The following ITFG2 variants were observed in gnomAD, a reference collection of about 807,000 sequenced individuals.
ITFG2 encodes the protein KICSTOR complex protein ITFG2.
In ITFG2, 36 loss-of-function variants were observed where a neutral mutation model predicts 54.4. That is an observed-to-expected ratio of 0.66 (90% CI 0.51 to 0.87). The LOEUF (loss-of-function observed/expected upper bound fraction) is 0.87. ITFG2 is among the 40% of genes least tolerant of loss of function. The probability of loss-of-function intolerance (pLI) is 0.00; values close to 1 mark genes in which losing one functional copy is unlikely to be tolerated. For missense variants in ITFG2, 524 were observed against 576.7 expected (o/e 0.91, Z 0.94); for synonymous variants, 211 against 225.4 (o/e 0.94, Z 0.57).
chr12:2,848,064 G>A (rs1010731170), intron 2 of ITFG2, among the ~76,000 whole-genome samples: 3 of 152,170 alleles, frequency 2.0e-5, no homozygotes, highest in African/African-American at 4.8e-5. Context: ...CATTGTGCAG[G>A]TGAGGAACCT....
chr12:2,830,600 C>T, intron 2 of ITFG2: 1 of 1,231,300 alleles, frequency 8.1e-7, no homozygotes, highest in Non-Finnish European at 1.1e-6. Flanking sequence ...AGAGAGGTGC[C>T]CTTTCTCCCT....
chr12:2,815,668 C>T (rs531505428), intron 1 of ITFG2, among the ~76,000 whole-genome samples: 1 of 152,310 alleles, frequency 6.6e-6, no homozygotes, highest in East Asian at 1.9e-4. Flanking sequence ...AAAACATGTC[C>T]CATTTGTAAT....
chr12:2,851,594 T>C (rs549494942), intron 2 of ITFG2, among the ~76,000 whole-genome samples: 3 of 151,548 alleles, frequency 2.0e-5, no homozygotes, highest in Non-Finnish European at 2.9e-5. Flanking sequence ...CCACCTGCCT[T>C]GGCCTCCCAG....
chr12:2,820,359 C>A, intron 5 of ITFG2, 134 bp downstream of exon 5: 1 of 1,123,188 alleles, frequency 8.9e-7, no homozygotes, highest in Non-Finnish European at 1.2e-6. Context: ...AAGAGAGATC[C>A]AAAGACCATT....
intron 9 of ITFG2, among the ~76,000 whole-genome samples, chr12:2,822,394 C>A (rs951438578): frequency 2.0e-5 from 3 of 152,272 alleles, no homozygotes; most frequent in East Asian, 3.9e-4. Flanking sequence ...TTATTCATCC[C>A]AACTCCAGAG....
rs762463958 is a variant in ITFG2 at position 2,821,260 on chromosome 12, A to G, written c.696-2A>G. Reference sequence around the variant, plus strand: ...CTTGATCCGTCCACCTGCTGTGCACAGGGAGACCCCAGCTGCCCGAGACGT... The same window carrying G: ...CTTGATCCGTCCACCTGCTGTGCACGGGGAGACCCCAGCTGCCCGAGACGT... On this transcript the variant is annotated splice_acceptor_variant, in intron 6 of 11. Coordinates refer to ENST00000228799, the MANE Select transcript of ITFG2 (RefSeq NM_018463.4). LOFTEE classifies it high-confidence loss of function. The G allele has an allele frequency of 5.0e-6, 8 of 1,603,864 alleles. No individual in the cohort carries two copies. In the East Asian group the frequency reaches 1.3e-4, roughly 27 times the overall value.
rs938414055 is a variant in ITFG2 at position 2,843,995 on chromosome 12, C to A, written n.300+3000C>A. Among the ~76,000 whole-genome samples, 32 of 148,530 alleles carry A rather than the reference C, an allele frequency of 2.2e-4. 1 individual carries two copies. The highest frequency in any genetic ancestry group is 3.8e-4 in the Non-Finnish European group (26 of 67,654). On this transcript the variant is annotated intron_variant and non_coding_transcript_variant, in intron 2 of 3. Transcript: ENST00000537710. ...GTAAACTAGGCCAGGCATGGTGGCT[C>A]ACGCCTGTAATCCCAGGACTTTGGG...
At chr12:2,853,257 C>G (rs888727210) in intron 2 of ITFG2, among the ~76,000 whole-genome samples, 5 of 151,980 alleles carry the variant, frequency 3.3e-5, no homozygotes, top group Admixed American at 6.6e-5. Context: ...ACTGATCTCT[C>G]AAAGTCACCA....
At chr12:2,836,362 C>G (rs1443555744), upstream of ITFG2, among the ~76,000 whole-genome samples, 1 of 152,212 alleles carries the variant, frequency 6.6e-6, no homozygotes, top group African/African-American at 2.4e-5. Flanking sequence ...GGCCAAGCAC[C>G]TGTTTACCTG....
chr12:2,853,044 C>T (rs1364499723), intron 2 of ITFG2, among the ~76,000 whole-genome samples: 1 of 152,048 alleles, frequency 6.6e-6, no homozygotes, highest in African/African-American at 2.4e-5. Context: ...ATGATAGTTT[C>T]TACTCAGAAG....
chr12:2,839,288 C>T (rs1340389174), intron 1 of ITFG2, among the ~76,000 whole-genome samples: 4 of 151,820 alleles, frequency 2.6e-5, no homozygotes, highest in Admixed American at 2.0e-4. Flanking sequence ...GAAACTCCGG[C>T]TCAAAAAAAA....
At chr12:2,859,129 G>T (rs767233350) in intron 3 of ITFG2, 4 of 1,606,314 alleles carry the variant, frequency 2.5e-6, no homozygotes, top group African/African-American at 1.3e-5. Flanking sequence ...TCCTTAATGG[G>T]TGTCTTAAAA....
At chr12:2,846,856 G>T (rs1429531252) in intron 2 of ITFG2, among the ~76,000 whole-genome samples, 1 of 151,992 alleles carries the variant, frequency 6.6e-6, no homozygotes, top group Non-Finnish European at 1.5e-5. Context: ...ACTGAGAAAC[G>T]CTCTACAAGA....
downstream of ITFG2, chr12:2,827,940 G>A (rs150190215): frequency 3.0e-5 from 48 of 1,614,114 alleles, no homozygotes; most frequent in African/African-American, 6.7e-5. This position sits in a 1 kb window ranked among gnomAD's most constrained non-coding sequence, Gnocchi z 4.0. Flanking sequence ...CACCTGTGCC[G>A]AGCACACCAC....
At chr12:2,817,610 G>T in intron 2 of ITFG2, 1 of 514,204 alleles carries the variant, frequency 1.9e-6, no homozygotes, top group Non-Finnish European at 3.4e-6. Flanking sequence ...GTCAAAAATG[G>T]GGGCAATAAT....
At chr12:2,827,574 TCTA>T, downstream of ITFG2, 1 of 1,613,622 alleles carries the variant, frequency 6.2e-7, no homozygotes, top group Non-Finnish European at 8.5e-7. The surrounding 1 kb of genome is among the most constrained non-coding windows in gnomAD (Gnocchi z 4.0). Flanking sequence ...ACCTGTGCCT[TCTA>T]CTACTTTTTC....
In ITFG2 at chr12:2,820,876, A is replaced by C; in HGVS notation, c.695+4A>C. The C allele has an allele frequency of 6.2e-7, 1 of 1,613,776 alleles. No homozygotes were observed. The highest frequency in any genetic ancestry group is 8.5e-7 in the Non-Finnish European group (1 of 1,179,812). On this transcript the variant is annotated splice_donor_region_variant and intron_variant, in intron 6 of 11. Coordinates refer to ENST00000228799, the MANE Select transcript of ITFG2 (RefSeq NM_018463.4). ...AAGGGCCCACGGATGGTAGTAGGTA[A>C]GGGGGTACAGGCCAGTGGATGGTGT...
intron 1 of ITFG2, among the ~76,000 whole-genome samples, chr12:2,840,649 G>T (rs895009881): frequency 2.6e-5 from 4 of 151,984 alleles, no homozygotes; most frequent in Non-Finnish European, 4.4e-5. Context: ...AGCCGGGCGA[G>T]GTGGCGGGCG....
chr12:2,835,155 G>A (rs1452950101), upstream of ITFG2: 34 of 1,401,340 alleles, frequency 2.4e-5, no homozygotes, highest in Non-Finnish European at 3.0e-5. Flanking sequence ...GGTGGATGGG[G>A]CGTATGTGTG....
Sources: gnomAD v4.1 joint callset for allele counts (sites outside exome capture counted in the v4.1 genomes callset) on GRCh38, gnomAD v4.1.1 for gene constraint, Gnocchi (gnomAD v3.1) non-coding constraint, MANE v1.5 for transcripts, NCBI Gene and HGNC (gene_info 2026-07-23, HGNC 2026-07-21) for gene names.